Variants in EML6 observed in about 807,000 individuals in gnomAD.
EML6 encodes the protein echinoderm microtubule-associated protein-like 6.
A neutral mutation model predicts 240.1 loss-of-function variants in EML6; 154 were observed. The ratio of observed to expected loss-of-function variants is 0.64; its 90% CI spans 0.56 to 0.73. The LOEUF is 0.73. EML6 is among the 30% of genes least tolerant of loss of function. The probability of loss-of-function intolerance (pLI) is 0.00; values close to 1 mark genes in which losing one functional copy is unlikely to be tolerated. For synonymous variants in EML6, 1,148 were observed against 899.0 expected, an observed-to-expected ratio of 1.28 and a Z score of -4.95; for missense variants, 2,964 against 2,474.6, an observed-to-expected ratio of 1.20 and a Z score of -4.20.
chr2:54,742,024 C>T (rs1294791684), intron 2 of EML6, among the ~76,000 whole-genome samples: 1 of 152,172 alleles, frequency 6.6e-6, no homozygotes, highest in East Asian at 1.9e-4. Flanking sequence ...TGGCAACCCA[C>T]CATAACTAAA....
intron 16 of EML6, among the ~76,000 whole-genome samples, chr2:54,879,192 T>TACCTGAG (rs1289789108): frequency 1.3e-5 from 2 of 152,250 alleles, no homozygotes; most frequent in African/African-American, 2.4e-5. Flanking sequence ...TTTTGTAGCT[T>TACCTGAG]ACCTGAGAGT....
intron 2 of EML6, among the ~76,000 whole-genome samples, chr2:54,733,088 T>G (rs1404450649): frequency 6.6e-6 from 1 of 152,220 alleles, no homozygotes; most frequent in Non-Finnish European, 1.5e-5. Context: ...TGAAGGATTC[T>G]GGGATTGTCC....
intron 12 of EML6, among the ~76,000 whole-genome samples, 182 bp downstream of exon 12, chr2:54,859,883 C>T (rs1670584507): frequency 6.6e-6 from 1 of 152,158 alleles, no homozygotes. Context: ...GGATAATTTT[C>T]TTCAAAGGAA....
chr2:54,840,622 A>G (rs1443380604), intron 7 of EML6, among the ~76,000 whole-genome samples: 2 of 152,240 alleles, frequency 1.3e-5, no homozygotes, highest in Non-Finnish European at 2.9e-5. Flanking sequence ...GTTCTTACTG[A>G]GTAACAAGGG....
intron 8 of EML6, among the ~76,000 whole-genome samples, chr2:54,846,025 G>T (rs922743368): frequency 1.3e-5 from 2 of 152,212 alleles, no homozygotes; most frequent in Non-Finnish European, 2.9e-5. Flanking sequence ...GGCTCACTCA[G>T]TTTGGGGTGC....
intron 2 of EML6, among the ~76,000 whole-genome samples, chr2:54,794,851 G>A (rs1280144963): frequency 6.6e-6 from 1 of 152,164 alleles, no homozygotes. Context: ...AGATGAATTT[G>A]TAGCTTCAGT....
intron 24 of EML6, among the ~76,000 whole-genome samples, chr2:54,906,162 A>C (rs776707234): frequency 1.3e-4 from 20 of 152,230 alleles, no homozygotes; most frequent in Non-Finnish European, 2.6e-4. Context: ...CAAGGGTTCA[A>C]ATCTCTCCAC....
chr2:54,747,841 CT>C (rs1201476714), intron 2 of EML6, among the ~76,000 whole-genome samples: 1 of 151,874 alleles, frequency 6.6e-6, no homozygotes, highest in Admixed American at 6.6e-5. Context: ...CTTGTTTCTA[CT>C]AGTATACTCA....
At chr2:54,778,900 A>G (rs1013618777) in intron 2 of EML6, among the ~76,000 whole-genome samples, 7 of 149,924 alleles carry the variant, frequency 4.7e-5, no homozygotes, top group South Asian at 2.1e-4. Flanking sequence ...TCAAAAAAAA[A>G]AAAGAAAGAA....
intron 2 of EML6, among the ~76,000 whole-genome samples, chr2:54,790,764 C>T (rs1271881345): frequency 1.4e-5 from 2 of 138,340 alleles, no homozygotes; most frequent in Non-Finnish European, 3.1e-5. Context: ...TACGCTCTGT[C>T]GCCCAGGCTG....
intron 17 of EML6, chr2:54,881,192 T>G (rs1671789678): frequency 6.6e-6 from 1 of 152,168 alleles, no homozygotes; most frequent in African/African-American, 2.4e-5. Flanking sequence ...AGGATTAAAG[T>G]TCTTTGGAAG....
chr2:54,832,274 G>A (rs1469817276), intron 7 of EML6, among the ~76,000 whole-genome samples: 1 of 152,238 alleles, frequency 6.6e-6, no homozygotes, highest in African/African-American at 2.4e-5. Flanking sequence ...GGGGAAACTT[G>A]CTCTGAATCC....
chr2:54,945,479 C>CCACACT (rs1226739506), intron 28 of EML6, among the ~76,000 whole-genome samples: 4 of 151,970 alleles, frequency 2.6e-5, no homozygotes, highest in Non-Finnish European at 5.9e-5. Context: ...CTGAGTTTCC[C>CCACACT]CACACTCACA....
chr2:54,785,608 GT>G (rs994033100), intron 2 of EML6, among the ~76,000 whole-genome samples: 4 of 152,068 alleles, frequency 2.6e-5, no homozygotes, highest in African/African-American at 9.7e-5. Flanking sequence ...CTTTATATGT[GT>G]TTACATTTAT....
At chr2:54,905,306 C>T (rs1482865924) in intron 24 of EML6, among the ~76,000 whole-genome samples, 1 of 138,106 alleles carries the variant, frequency 7.2e-6, no homozygotes, top group Non-Finnish European at 1.5e-5. Context: ...GTCTGATTAA[C>T]TTTATTTAGA....
Position 54,825,108 on chromosome 2 carries a change from T to C in EML6, c.526-2458T>C, listed in dbSNP as rs548876540. On this transcript the variant is annotated intron_variant, in intron 5 of 41. Transcript: ENST00000356458. ...TCAAGTCTGAAGATAATGGGTTCTATTTTTTGTGACTGTCTGTCTGGAAAT... is the reference window on the plus strand; with the variant it reads ...TCAAGTCTGAAGATAATGGGTTCTACTTTTTGTGACTGTCTGTCTGGAAAT... 2.6e-5 allele frequency among the ~76,000 whole-genome samples: 4 copies of C among 152,298 alleles called. No individual in the cohort carries two copies. The East Asian group carries it at 5.8e-4, about 22-fold the overall frequency.
At chr2:54,947,508 C>T (rs551484378) in intron 28 of EML6, among the ~76,000 whole-genome samples, 3 of 152,012 alleles carry the variant, frequency 2.0e-5, no homozygotes, top group East Asian at 1.9e-4. Flanking sequence ...ACAAAAAGAA[C>T]CCCCGCAAGC....
intron 12 of EML6, among the ~76,000 whole-genome samples, chr2:54,859,910 C>G (rs1001920169): frequency 1.3e-5 from 2 of 152,128 alleles, no homozygotes; most frequent in Admixed American, 6.5e-5. Context: ...ATACCAAATG[C>G]AAGTTGAGCA....
chr2:54,851,410 C>G (rs1283089816), intron 10 of EML6, among the ~76,000 whole-genome samples: 1 of 152,042 alleles, frequency 6.6e-6, no homozygotes, highest in Non-Finnish European at 1.5e-5. Flanking sequence ...GAGACTCCAT[C>G]TCAAAATAAA....
Sources: gnomAD v4.1 joint callset for allele counts (sites outside exome capture counted in the v4.1 genomes callset) on GRCh38, gnomAD v4.1.1 for gene constraint, MANE v1.5 for transcripts, NCBI Gene and HGNC (gene_info 2026-07-23, HGNC 2026-07-21) for gene names.